ASAP2: variants seen among roughly 807,000 people sequenced by gnomAD.
ASAP2 encodes arf-GAP with SH3 domain, ANK repeat and PH domain-containing protein 2.
A neutral mutation model predicts 131.4 loss-of-function variants in ASAP2; 45 were observed. The ratio of observed to expected loss-of-function variants is 0.34; its 90% CI spans 0.27 to 0.44. ASAP2 has a LOEUF of 0.44. Ranked by LOEUF, ASAP2 falls within the 20% of genes least tolerant of loss-of-function variation. ASAP2 has a pLI of 1.00. For synonymous variants in ASAP2, 510 were observed against 503.0 expected (o/e 1.01, Z -0.19); for missense variants, 1,011 against 1,297.0 (o/e 0.78, Z 3.39).
At chr2:9,337,873 G>C (rs1258740293) in intron 9 of ASAP2, among the ~76,000 whole-genome samples, 1 of 152,162 alleles carries the variant, frequency 6.6e-6, no homozygotes, top group African/African-American at 2.4e-5. Flanking sequence ...CTTTGTGAAG[G>C]TTTTCATACT....
At chr2:9,224,831 G>A (rs1228358728) in intron 1 of ASAP2, among the ~76,000 whole-genome samples, 1 of 152,188 alleles carries the variant, frequency 6.6e-6, no homozygotes, top group Non-Finnish European at 1.5e-5. Context: ...TGGGATGTCT[G>A]TGCTCAGAAG....
At chr2:9,305,917 A>G (rs950832169) in intron 3 of ASAP2, among the ~76,000 whole-genome samples, 2 of 145,350 alleles carry the variant, frequency 1.4e-5, no homozygotes, top group Non-Finnish European at 3.0e-5. Flanking sequence ...AGTGGGGTAT[A>G]GATATTGGTG....
chr2:9,280,456 T>G (rs1667061818), intron 2 of ASAP2, among the ~76,000 whole-genome samples: 1 of 151,934 alleles, frequency 6.6e-6, no homozygotes, highest in Non-Finnish European at 1.5e-5. Flanking sequence ...GGGAAGAATC[T>G]AGCAGGAAAT....
rs562680992 is a variant in ASAP2, at chr2:9,388,561, G to A, written c.2383+15G>A. 2.2e-5 allele frequency: 35 copies of A among 1,607,912 alleles called. No individual in the cohort carries two copies. The South Asian group carries it at 2.4e-4, about 11-fold the overall frequency. ...TGTTGGCAAAGGTATGAAGCTGTCC[G>A]TCATCCCTGTGAATATATAGAGGGT... On this transcript the variant is annotated intron_variant, in intron 22 of 27. Coordinates refer to ENST00000281419, the MANE Select transcript of ASAP2 (RefSeq NM_003887.3).
In ASAP2 at chr2:9,405,678, A is replaced by T. The variant is rs958026344; in HGVS notation, c.*2351A>T. 1 of 152,518 alleles carries T rather than the reference A, an allele frequency of 6.6e-6. No homozygotes were observed. The highest frequency in any genetic ancestry group is 2.1e-4 in the South Asian group (1 of 4,834). The allele number at this position is 152,518 out of a possible 1,614,324, so 9.4% of individuals were successfully genotyped here. ...AAAAAAATAAAATACTTTTAAATGG[A>T]CATGGTTTTATTTTTAATGTTTTTA... On this transcript the variant is annotated 3_prime_UTR_variant, in exon 28 of 28. Coordinates refer to ENST00000281419, the MANE Select transcript of ASAP2 (RefSeq NM_003887.3).
intron 16 of ASAP2, among the ~76,000 whole-genome samples, chr2:9,373,356 G>T (rs922663271): frequency 6.6e-6 from 1 of 152,230 alleles, no homozygotes; most frequent in African/African-American, 2.4e-5. Context: ...ACGCTGCGGC[G>T]TGTCCAGGAG....
At chr2:9,239,756 C>A (rs768757661) in intron 1 of ASAP2, among the ~76,000 whole-genome samples, 5 of 151,970 alleles carry the variant, frequency 3.3e-5, no homozygotes, top group Non-Finnish European at 7.4e-5. Context: ...TTAGATGAGG[C>A]CTCACTGTGT....
intron 3 of ASAP2, among the ~76,000 whole-genome samples, chr2:9,310,981 C>T: frequency 6.6e-6 from 1 of 152,134 alleles, no homozygotes; most frequent in East Asian, 1.9e-4. Context: ...TTTATTTCTA[C>T]TTGTGAGATC....
In ASAP2 at chr2:9,335,177, G is replaced by A; in HGVS notation, c.847G>A (p.Glu283Lys). 1.9e-6 allele frequency: 3 copies of A among 1,613,932 alleles called. No individual in the cohort carries two copies. Residue 283 changes from glutamate to lysine, a missense_variant and splice_region_variant, in exon 9 of 28, where the codon GAG becomes AAG. Glu to Lys is a moderately conservative substitution (Grantham distance 56). This residue lies in a region of ASAP2 where 359 missense variants were observed against 598.1 expected (regional missense o/e 0.60). Transcript: ENST00000281419. ...ATCCGCATTGCAGGTTGAACAGAAA[G>A]AGGTGAGGGGATTTAATTTTGAAAG... ...LKSALQVEQK[E>K]DSQIRQSTAY... is the part of the protein sequence containing the mutation.
At chr2:9,210,808 G>A (rs541583427) in intron 1 of ASAP2, among the ~76,000 whole-genome samples, 6 of 151,858 alleles carry the variant, frequency 4.0e-5, no homozygotes, top group South Asian at 4.2e-4. Flanking sequence ...TGATCCGCCC[G>A]CCTTGGCCTC....
chr2:9,387,806 GA>G (rs1384357636), intron 21 of ASAP2, among the ~76,000 whole-genome samples: 1 of 152,160 alleles, frequency 6.6e-6, no homozygotes, highest in Non-Finnish European at 1.5e-5. Flanking sequence ...GTTTATAAAA[GA>G]AAGAGGTCTA....
At chr2:9,368,825 T>A (rs1284308198) in intron 16 of ASAP2, among the ~76,000 whole-genome samples, 1 of 152,102 alleles carries the variant, frequency 6.6e-6, no homozygotes, top group African/African-American at 2.4e-5. Context: ...CTGTCTGTTC[T>A]GTTGAGTCAC....
chr2:9,329,149 G>T (rs1348393782), intron 7 of ASAP2, among the ~76,000 whole-genome samples: 1 of 152,136 alleles, frequency 6.6e-6, no homozygotes, highest in Non-Finnish European at 1.5e-5. Flanking sequence ...TTCCAGGCAG[G>T]GTCTAGGTCT....
rs1553297027 is a variant in ASAP2 at position 9,254,254 on chromosome 2, T to TATATATATATATACAC, written c.127-25062_127-25061insTATATATATATACACA. ...AAAAAAAAATATATATATATATATA[T>TATATATATATATACAC]ACACGTGTGTGTGTATGCATATATA... On this transcript the variant is annotated intron_variant, in intron 1 of 27. Transcript: ENST00000281419. Among the ~76,000 whole-genome samples, 9 of 65,744 alleles carry TATATATATATATACAC rather than the reference T, an allele frequency of 1.4e-4. 1 individual carries two copies. Among genetic ancestry groups the TATATATATATATACAC allele is most frequent in the Admixed American group, 5.2e-4 (3 of 5,778 alleles). 43.1% of individuals were successfully genotyped at this position (65,744 alleles called of 152,430 possible).
chr2:9,317,408 AC>A (rs551427187), intron 3 of ASAP2, among the ~76,000 whole-genome samples: 275 of 145,190 alleles, frequency 1.9e-3, no homozygotes, highest in African/African-American at 6.5e-3. Flanking sequence ...TCAAACACAC[AC>A]ATGCTCCCTC....
At chr2:9,374,108 G>A (rs532589543) in intron 16 of ASAP2, among the ~76,000 whole-genome samples, 46 of 152,328 alleles carry the variant, frequency 3.0e-4, no homozygotes, top group African/African-American at 1.0e-3. Flanking sequence ...AGGCTTCTTT[G>A]GCCCCCTTTT....
At position 9,403,460 on chromosome 2, in the gene ASAP2, A is replaced by G. The variant is rs113334439; in HGVS notation, c.*133A>G. On this transcript the variant is annotated 3_prime_UTR_variant, in exon 28 of 28. Coordinates refer to ENST00000281419, the MANE Select transcript of ASAP2 (RefSeq NM_003887.3). ...TCTCTAATGCCACTGCTCTGTTTTAAAAACTCAGAGGCAATTTTTACATAT... is the reference window on the plus strand; with the variant it reads ...TCTCTAATGCCACTGCTCTGTTTTAGAAACTCAGAGGCAATTTTTACATAT... The G allele has an allele frequency of 5.2e-6, 4 of 767,938 alleles. No individual in the cohort carries two copies. Among genetic ancestry groups the G allele is most frequent in the South Asian group, 2.1e-5 (1 of 48,704 alleles). The allele number at this position is 767,938 out of a possible 1,614,324, so 47.6% of individuals were successfully genotyped here. A position where few individuals can be genotyped will look rare whatever the true frequency, so the allele number is the denominator to read the frequency against.
intron 21 of ASAP2, 27 bp from the exon 22 acceptor site, chr2:9,388,267 C>T (rs747734064): frequency 4.3e-5 from 70 of 1,609,990 alleles, no homozygotes; most frequent in Admixed American, 1.5e-4. Context: ...TTGTCTCACA[C>T]GCCTCTGCCC....
chr2:9,231,602 G>C (rs117199651), intron 1 of ASAP2, among the ~76,000 whole-genome samples: 3,843 of 152,284 alleles, frequency 0.025, 106 homozygotes, highest in Admixed American at 0.087. Flanking sequence ...GCGCCTGCCT[G>C]TTCTTCCTCC....
Sources: gnomAD v4.1 joint callset for allele counts (sites outside exome capture counted in the v4.1 genomes callset) on GRCh38, gnomAD v4.1.1 for gene constraint, gnomAD v4.1.1 regional missense constraint, MANE v1.5 for transcripts, NCBI Gene and HGNC (gene_info 2026-07-23, HGNC 2026-07-21) for gene names.